VPS13A: variants seen among roughly 807,000 people sequenced by gnomAD.
VPS13A encodes vacuolar protein sorting 13 homolog A, also known as intermembrane lipid transfer protein VPS13A.
VPS13A carries 264 observed loss-of-function variants against 390.9 expected under a neutral mutation model. That is an observed-to-expected ratio of 0.68 (90% CI 0.61 to 0.75). The LOEUF is 0.75. Among genes scored for constraint, VPS13A ranks in the 30% least tolerant of loss-of-function variants. The pLI is 0.00. For missense variants in VPS13A, 3,409 were observed against 3,733.9 expected (o/e 0.91, Z 2.27); for synonymous variants, 1,231 against 1,227.1 (o/e 1.00, Z -0.07).
intron 19 of VPS13A, among the ~76,000 whole-genome samples, chr9:77,243,153 C>T (rs1237618295): frequency 1.3e-5 from 2 of 152,016 alleles, no homozygotes. Flanking sequence ...GTTACATTCT[C>T]CTCTATTAAC....
At chr9:77,270,535 A>G (rs1826288380) in intron 23 of VPS13A, among the ~76,000 whole-genome samples, 1 of 152,182 alleles carries the variant, frequency 6.6e-6, no homozygotes. Flanking sequence ...TACTAAAAAT[A>G]TAAAAATTAG....
At chr9:77,349,489 G>A (rs765534511) in intron 52 of VPS13A, among the ~76,000 whole-genome samples, 1 of 152,056 alleles carries the variant, frequency 6.6e-6, no homozygotes, top group South Asian at 2.1e-4. Context: ...CCCGATGTCA[G>A]TTGTTCCTTC....
At chr9:77,388,861 A>G (rs889827091) in intron 68 of VPS13A, among the ~76,000 whole-genome samples, 33 of 152,180 alleles carry the variant, frequency 2.2e-4, no homozygotes, top group African/African-American at 7.5e-4. Flanking sequence ...TATATTCAAT[A>G]AAACTTGGCA....
chr9:77,411,113 T>C (rs1350789745), intron 71 of VPS13A, among the ~76,000 whole-genome samples: 1 of 152,058 alleles, frequency 6.6e-6, no homozygotes, highest in Non-Finnish European at 1.5e-5. Context: ...GCAATCAAAC[T>C]AGAACTCAGG....
At chr9:77,276,012 T>G (rs1249733784) in intron 25 of VPS13A, 53 bp from the exon 26 acceptor site, 24 of 1,573,582 alleles carry the variant, frequency 1.5e-5, no homozygotes, top group Non-Finnish European at 2.0e-5. Context: ...ACTATGCACA[T>G]AAACATGTTT....
At chr9:77,247,454 A>G in intron 20 of VPS13A, 59 bp downstream of exon 20, 1 of 1,509,830 alleles carries the variant, frequency 6.6e-7, no homozygotes, top group East Asian at 2.3e-5. Flanking sequence ...TTTGTTTTAA[A>G]TGTATTTTGT....
At chr9:77,376,251 A>C (rs1384230708) in intron 67 of VPS13A, among the ~76,000 whole-genome samples, 14 of 152,176 alleles carry the variant, frequency 9.2e-5, no homozygotes. Context: ...AGATGTTACC[A>C]GGGAACATGC....
intron 32 of VPS13A, among the ~76,000 whole-genome samples, chr9:77,294,253 A>G (rs1451340281): frequency 6.6e-6 from 1 of 152,170 alleles, no homozygotes; most frequent in Non-Finnish European, 1.5e-5. Context: ...CATTCTGTGA[A>G]TATCAGGGAC....
chr9:77,354,999 A>G (rs1296856529), intron 54 of VPS13A, among the ~76,000 whole-genome samples: 1 of 152,122 alleles, frequency 6.6e-6, no homozygotes, highest in Non-Finnish European at 1.5e-5. Context: ...TCCTAAGTCA[A>G]CAGCTTTTGG....
At chr9:77,342,675 G>A (rs141566017) in intron 50 of VPS13A, among the ~76,000 whole-genome samples, 1 of 152,234 alleles carries the variant, frequency 6.6e-6, no homozygotes, top group African/African-American at 2.4e-5. Flanking sequence ...TATGTTTAGA[G>A]TTAGATACCA....
chr9:77,339,314 A>G (rs992781145), intron 47 of VPS13A: 22 of 579,816 alleles, frequency 3.8e-5, no homozygotes, highest in Non-Finnish European at 6.3e-5. Context: ...TTACAAATAC[A>G]GTAGCTCAAA....
At chr9:77,221,431 C>T in intron 13 of VPS13A, 75 bp downstream of exon 13, 1 of 1,500,486 alleles carries the variant, frequency 6.7e-7, no homozygotes, top group Non-Finnish European at 9.2e-7. Context: ...ACTGATACTC[C>T]CTACCTTTCA....
At chr9:77,342,887 G>T (rs1830913914) in intron 50 of VPS13A, among the ~76,000 whole-genome samples, 1 of 152,170 alleles carries the variant, frequency 6.6e-6, no homozygotes, top group African/African-American at 2.4e-5. Context: ...CAAACATGGG[G>T]ATTGTCTCAC....
intron 39 of VPS13A, among the ~76,000 whole-genome samples, chr9:77,317,366 T>A (rs1424552494): frequency 6.6e-6 from 1 of 152,006 alleles, no homozygotes; most frequent in Admixed American, 6.6e-5. Context: ...GACTGTGGTA[T>A]TTTTTTCTGA....
intron 68 of VPS13A, chr9:77,389,673 A>G (rs1355544261): frequency 6.6e-6 from 1 of 151,980 alleles, no homozygotes; most frequent in African/African-American, 2.4e-5. Context: ...TTGACTCTAT[A>G]CTTTTTTAAA....
chr9:77,282,544 T>G (rs1192292370), intron 29 of VPS13A, among the ~76,000 whole-genome samples: 1 of 152,172 alleles, frequency 6.6e-6, no homozygotes, highest in Non-Finnish European at 1.5e-5. Flanking sequence ...AAAAATTTTT[T>G]TTCTTCCACC....
intron 46 of VPS13A, 80 bp from the exon 47 acceptor site, chr9:77,337,175 G>C: frequency 4.5e-6 from 6 of 1,336,400 alleles, no homozygotes; most frequent in Non-Finnish European, 6.1e-6. Flanking sequence ...AGGTAAGTTT[G>C]TTATTCTAAA....
At chr9:77,364,442 CA>C (rs1054393866) in intron 59 of VPS13A, among the ~76,000 whole-genome samples, 1 of 150,818 alleles carries the variant, frequency 6.6e-6, no homozygotes, top group African/African-American at 2.4e-5. Flanking sequence ...AACAAACAAA[CA>C]AAAAAAAACC....
intron 1 of VPS13A, 120 bp downstream of exon 1, chr9:77,177,924 C>T (rs1823740475): frequency 1.2e-6 from 1 of 801,490 alleles, no homozygotes; most frequent in Non-Finnish European, 2.0e-6. Flanking sequence ...CAGCCACCTG[C>T]CGCCGCCCGC....
Sources: gnomAD v4.1 joint callset for allele counts (sites outside exome capture counted in the v4.1 genomes callset) on GRCh38, gnomAD v4.1.1 for gene constraint, MANE v1.5 for transcripts, NCBI Gene and HGNC (gene_info 2026-07-23, HGNC 2026-07-21) for gene names.